The following SNTG1 variants were observed in gnomAD, a reference collection of about 807,000 sequenced individuals.
SNTG1 encodes gamma-1-syntrophin.
In SNTG1, 39 loss-of-function variants were observed where a neutral mutation model predicts 74.7. The observed-to-expected ratio is 0.52, with a 90% CI of 0.40 to 0.68. The LOEUF is 0.68. Ranked by LOEUF, SNTG1 falls within the 30% of genes least tolerant of loss-of-function variation. The pLI is 0.00. For missense variants in SNTG1, 685 were observed against 609.5 expected, an observed-to-expected ratio of 1.12 and a Z score of -1.30; for synonymous variants, 254 against 217.1, an observed-to-expected ratio of 1.17 and a Z score of -1.49.
chr8:50,583,719 T>C (rs981554501), intron 12 of SNTG1, among the ~76,000 whole-genome samples: 16 of 151,846 alleles, frequency 1.1e-4, no homozygotes, highest in East Asian at 5.8e-4. Context: ...CTGAGCTTTT[T>C]TTTTTTTTTC....
chr8:50,103,800 C>T (rs1022004399), intron 1 of SNTG1, among the ~76,000 whole-genome samples: 9 of 152,132 alleles, frequency 5.9e-5, no homozygotes, highest in African/African-American at 2.2e-4. Context: ...AAGGCTTTTC[C>T]TGCATCTATT....
intron 1 of SNTG1, among the ~76,000 whole-genome samples, chr8:50,014,560 C>A (rs1262233940): frequency 6.6e-6 from 1 of 152,194 alleles, no homozygotes; most frequent in East Asian, 1.9e-4. Context: ...ACCAGCTACT[C>A]ACTGACCTTA....
At chr8:50,109,095 A>T (rs563455636) in intron 1 of SNTG1, among the ~76,000 whole-genome samples, 1 of 152,276 alleles carries the variant, frequency 6.6e-6, no homozygotes, top group South Asian at 2.1e-4. Flanking sequence ...GACAACAGAG[A>T]CACTTTCCAC....
chr8:50,637,912 A>G (rs1316404858), intron 13 of SNTG1, among the ~76,000 whole-genome samples: 3 of 152,126 alleles, frequency 2.0e-5, no homozygotes, highest in Admixed American at 6.5e-5. Flanking sequence ...CACACCAAAT[A>G]TTAAGGTTAA....
At chr8:50,521,451 C>G (rs964457307) in intron 9 of SNTG1, among the ~76,000 whole-genome samples, 1 of 152,048 alleles carries the variant, frequency 6.6e-6, no homozygotes, top group Non-Finnish European at 1.5e-5. Flanking sequence ...TGCTAAGAAT[C>G]ATCTGAACCT....
intron 9 of SNTG1, among the ~76,000 whole-genome samples, chr8:50,508,217 A>G (rs1012967981): frequency 2.0e-5 from 3 of 152,116 alleles, no homozygotes; most frequent in African/African-American, 7.2e-5. Flanking sequence ...TATGGTTTCC[A>G]GTTTCATCCA....
chr8:50,293,333 CGT>C (rs2089208580), intron 2 of SNTG1, among the ~76,000 whole-genome samples: 1 of 151,856 alleles, frequency 6.6e-6, no homozygotes, highest in Non-Finnish European at 1.5e-5. Context: ...TTTCCTTCTA[CGT>C]GTCTGTGTCC....
Position 50,438,616 on chromosome 8 carries a change from G to A in SNTG1, c.219+17G>A. ...AGCATAAAGGTAGCCTGCCTTTCTA[G>A]TCTATCCTTACAAAGGCCATGCCAT... On this transcript the variant is annotated intron_variant, in intron 5 of 18. Coordinates refer to ENST00000642720, the MANE Select transcript of SNTG1 (RefSeq NM_018967.5). 6.2e-7 allele frequency: 1 copy of A among 1,605,278 alleles called. No individual in the cohort carries two copies. The highest frequency in any genetic ancestry group is 1.1e-5 in the South Asian group (1 of 90,776).
At chr8:50,713,283 GC>G (rs1239581360) in intron 17 of SNTG1, among the ~76,000 whole-genome samples, 4 of 152,048 alleles carry the variant, frequency 2.6e-5, no homozygotes, top group Non-Finnish European at 5.9e-5. Flanking sequence ...TATGTTTGTT[GC>G]CTACATAAAT....
At chr8:50,322,122 T>A (rs2090556687) in intron 2 of SNTG1, among the ~76,000 whole-genome samples, 1 of 152,086 alleles carries the variant, frequency 6.6e-6, no homozygotes, top group Non-Finnish European at 1.5e-5. Context: ...TTCTTTTTTT[T>A]ATTATTATAC....
chr8:50,413,121 T>G (rs1286887795), intron 4 of SNTG1, among the ~76,000 whole-genome samples: 1 of 152,232 alleles, frequency 6.6e-6, no homozygotes, highest in Non-Finnish European at 1.5e-5. Flanking sequence ...AGATTTGTCA[T>G]ACTTACAAAA....
chr8:50,142,917 CA>C (rs956849938), intron 1 of SNTG1, among the ~76,000 whole-genome samples: 5 of 151,538 alleles, frequency 3.3e-5, no homozygotes, highest in Non-Finnish European at 7.4e-5. Flanking sequence ...ACTAAAAATA[CA>C]AAAAAATTAG....
chr8:50,609,451 G>A (rs2094835206), intron 13 of SNTG1, among the ~76,000 whole-genome samples: 1 of 151,724 alleles, frequency 6.6e-6, no homozygotes, highest in African/African-American at 2.4e-5. Context: ...ATGTTTTTTT[G>A]CTTTCAGTAT....
In SNTG1 at chr8:50,553,198, A is replaced by T. The variant is rs111484418; in HGVS notation, c.810+19A>T. 1,606 of 1,613,350 alleles carry T rather than the reference A, an allele frequency of 1.0e-3. 23 individuals are homozygous for T. The African/African-American group carries it at 0.019, about 19-fold the overall frequency. The stretch of plus-strand genomic sequence containing the variant: ...GCACAATGTAAGTAATGATTCAAGG[A>T]ATACCTAGCCAGGGTTTCTCAGGCT... On this transcript the variant is annotated intron_variant, in intron 12 of 18. Transcript: ENST00000642720.
chr8:50,660,853 A>C (rs1463967627), intron 15 of SNTG1, among the ~76,000 whole-genome samples: 3 of 152,178 alleles, frequency 2.0e-5, no homozygotes, highest in Non-Finnish European at 4.4e-5. Context: ...ATTTTTGACA[A>C]AGATTATGCA....
chr8:50,202,305 T>C (rs1266795022), intron 2 of SNTG1, among the ~76,000 whole-genome samples: 1 of 152,094 alleles, frequency 6.6e-6, no homozygotes, highest in Non-Finnish European at 1.5e-5. Context: ...CAGCACAGTG[T>C]TAATGTTCTA....
At chr8:50,487,982 T>C (rs2093813825) in intron 8 of SNTG1, among the ~76,000 whole-genome samples, 2 of 152,218 alleles carry the variant, frequency 1.3e-5, no homozygotes. Flanking sequence ...TAATTTAAAC[T>C]ATGCTTCTGG....
At chr8:50,019,701 C>T (rs556536644) in intron 1 of SNTG1, among the ~76,000 whole-genome samples, 1 of 151,982 alleles carries the variant, frequency 6.6e-6, no homozygotes, top group East Asian at 1.9e-4. Flanking sequence ...CAAATAACCC[C>T]CCAAAGACAC....
rs978588238 is a variant in SNTG1, at chr8:50,059,210, C to T, written c.-102-113351C>T. ...TATGAATAAAGCTGATATAAACATG[C>T]ATTTCAATTTTTTATATAAAATAAG... is the stretch of plus-strand genomic sequence containing the variant. On this transcript the variant is annotated intron_variant, in intron 1 of 18. Coordinates refer to ENST00000642720, the MANE Select transcript of SNTG1 (RefSeq NM_018967.5). Among the ~76,000 whole-genome samples, 4 of 152,104 alleles carry T rather than the reference C, an allele frequency of 2.6e-5. 1 individual carries two copies. Among genetic ancestry groups the T allele is most frequent in the South Asian group, 4.1e-4 (2 of 4,820 alleles).
Sources: gnomAD v4.1 joint callset for allele counts (sites outside exome capture counted in the v4.1 genomes callset) on GRCh38, gnomAD v4.1.1 for gene constraint, MANE v1.5 for transcripts, NCBI Gene and HGNC (gene_info 2026-07-23, HGNC 2026-07-21) for gene names.